Variants in DEPTOR observed in about 807,000 individuals in gnomAD.
DEPTOR encodes DEP domain containing MTOR interacting protein, also known as DEP domain-containing mTOR-interacting protein.
A neutral mutation model predicts 41.6 loss-of-function variants in DEPTOR; 41 were observed. That is an observed-to-expected ratio of 0.98 (90% CI 0.77 to 1.28). The LOEUF is 1.28. Among genes scored for constraint, DEPTOR ranks in the 50% most tolerant of loss-of-function variants. The pLI, the probability that DEPTOR is intolerant of heterozygous loss-of-function variation, is 0.00. For missense variants in DEPTOR, 514 were observed against 527.9 expected (o/e 0.97, Z 0.26); for synonymous variants, 195 against 192.3 (o/e 1.01, Z -0.12).
At chr8:119,920,174 G>T (rs550280095) in intron 1 of DEPTOR, among the ~76,000 whole-genome samples, 1 of 152,130 alleles carries the variant, frequency 6.6e-6, no homozygotes, top group Admixed American at 6.5e-5. Flanking sequence ...TCTTCCCAAT[G>T]GTTTAATGTG....
intron 1 of DEPTOR, among the ~76,000 whole-genome samples, chr8:119,880,007 T>C (rs1827278444): frequency 6.6e-6 from 1 of 151,696 alleles, no homozygotes; most frequent in Non-Finnish European, 1.5e-5. Flanking sequence ...CTGGGCACGG[T>C]GGCAGGCACC....
At chr8:119,994,006 A>G (rs1812215801) in intron 4 of DEPTOR, among the ~76,000 whole-genome samples, 1 of 151,956 alleles carries the variant, frequency 6.6e-6, no homozygotes, top group South Asian at 2.1e-4. Flanking sequence ...AAAATACAAA[A>G]TTAGTGGGGT....
chr8:119,979,455 G>T (rs1238268159), intron 4 of DEPTOR, among the ~76,000 whole-genome samples: 1 of 151,938 alleles, frequency 6.6e-6, no homozygotes, highest in Non-Finnish European at 1.5e-5. Context: ...TAGAGACAGG[G>T]TTTTGCAATG....
intron 4 of DEPTOR, among the ~76,000 whole-genome samples, chr8:119,990,512 A>G (rs944494566): frequency 6.6e-6 from 1 of 152,202 alleles, no homozygotes; most frequent in African/African-American, 2.4e-5. Flanking sequence ...TTGACTTTCC[A>G]TCTGTTTATT....
At chr8:119,910,943 G>C (rs10217077) in intron 1 of DEPTOR, among the ~76,000 whole-genome samples, 4 of 151,640 alleles carry the variant, frequency 2.6e-5, no homozygotes, top group Non-Finnish European at 5.9e-5. Context: ...TCCTAGAGGG[G>C]TGTGTGTGTG....
At chr8:119,989,658 G>A (rs1271699810) in intron 4 of DEPTOR, among the ~76,000 whole-genome samples, 1 of 152,236 alleles carries the variant, frequency 6.6e-6, no homozygotes, top group Non-Finnish European at 1.5e-5. Flanking sequence ...GTTTTGAGAA[G>A]TAAATGATAT....
chr8:119,982,254 C>G lies in DEPTOR; in HGVS notation c.604+16844C>G, dbSNP rs186997699. The stretch of plus-strand genomic sequence containing the variant: ...GGCCTAAGGACTGAACATAACATAA[C>G]TGAACATTCCCCTGTTCTGTTGCAG... On this transcript the variant is annotated intron_variant, in intron 4 of 8. Transcript: ENST00000286234. 7.1e-4 allele frequency among the ~76,000 whole-genome samples: 108 copies of G among 152,194 alleles called. 1 individual carries two copies. The highest frequency in any genetic ancestry group is 2.4e-3 in the African/African-American group (99 of 41,524).
chr8:119,978,362 A>G (rs1563580266), intron 4 of DEPTOR, among the ~76,000 whole-genome samples: 1 of 152,170 alleles, frequency 6.6e-6, no homozygotes, highest in South Asian at 2.1e-4. Context: ...CTAGAAGAGC[A>G]TATCAGGTTT....
At chr8:119,962,201 G>A (rs1171614346) in intron 3 of DEPTOR, among the ~76,000 whole-genome samples, 1 of 151,948 alleles carries the variant, frequency 6.6e-6, no homozygotes. Flanking sequence ...AGGTTGCAGT[G>A]AGCTGAGATT....
chr8:120,029,482 A>C (rs143652422), intron 8 of DEPTOR, among the ~76,000 whole-genome samples: 20 of 151,968 alleles, frequency 1.3e-4, no homozygotes, highest in Non-Finnish European at 2.5e-4. Context: ...TGCAACCTCT[A>C]TCTCCTTGGT....
intron 3 of DEPTOR, among the ~76,000 whole-genome samples, chr8:119,950,117 A>G (rs1828333624): frequency 6.6e-6 from 1 of 152,192 alleles, no homozygotes; most frequent in Non-Finnish European, 1.5e-5. Flanking sequence ...TCCCTGCACC[A>G]TCTGTCGAAA....
At chr8:119,980,669 C>T (rs941586167) in intron 4 of DEPTOR, among the ~76,000 whole-genome samples, 1 of 151,870 alleles carries the variant, frequency 6.6e-6, no homozygotes, top group African/African-American at 2.4e-5. Flanking sequence ...AGGCATGTGC[C>T]ACCACAGCCT....
rs911071332 is a variant in DEPTOR, at chr8:119,883,485, A to G, written c.122+9517A>G. ...GCGAGACTCGTCTTAAAAAAAAAAA[A>G]AAAAAAAAAAAGAAGGATATGCTTT... is the stretch of plus-strand genomic sequence containing the variant. On this transcript the variant is annotated intron_variant, in intron 1 of 8. Transcript: ENST00000286234. Among the ~76,000 whole-genome samples, 6 of 150,666 alleles carry G rather than the reference A, an allele frequency of 4.0e-5. No individual in the cohort carries two copies. In the South Asian group the frequency reaches 1.2e-3, roughly 31 times the overall value.
At chr8:119,956,758 G>A (rs1470601694) in intron 3 of DEPTOR, among the ~76,000 whole-genome samples, 2 of 89,998 alleles carry the variant, frequency 2.2e-5, no homozygotes, top group Non-Finnish European at 4.1e-5. Flanking sequence ...TTTTTTAGAT[G>A]AAGTCTCATT....
chr8:120,017,973 C>T (rs1162598955), intron 8 of DEPTOR, among the ~76,000 whole-genome samples: 1 of 152,088 alleles, frequency 6.6e-6, no homozygotes, highest in Non-Finnish European at 1.5e-5. Context: ...GAAACAGAAC[C>T]ATCTGAGTCA....
chr8:119,880,776 T>A (rs1376845330), intron 1 of DEPTOR, among the ~76,000 whole-genome samples: 1 of 152,242 alleles, frequency 6.6e-6, no homozygotes, highest in African/African-American at 2.4e-5. Context: ...GTAACCATTT[T>A]AATGGGAAGA....
intron 1 of DEPTOR, among the ~76,000 whole-genome samples, chr8:119,881,607 A>G (rs947866080): frequency 1.3e-5 from 2 of 152,114 alleles, no homozygotes; most frequent in Non-Finnish European, 2.9e-5. Context: ...GAGATAAGGA[A>G]TTTAGAGCAT....
chr8:119,991,088 TTTTC>T (rs1206272230), intron 4 of DEPTOR, among the ~76,000 whole-genome samples: 41 of 45,818 alleles, frequency 8.9e-4, no homozygotes, highest in East Asian at 4.6e-3. Context: ...CTTTCTTTCT[TTTTC>T]TTTCTTTCTT....
In DEPTOR at chr8:120,023,154, G is replaced by C. The variant is rs139064960; in HGVS notation, c.1101+14021G>C. 3.1e-3 allele frequency among the ~76,000 whole-genome samples: 476 copies of C among 152,284 alleles called. 16 individuals are homozygous for C. The highest frequency in any genetic ancestry group is 0.023 in the Admixed American group (358 of 15,272). On this transcript the variant is annotated intron_variant, in intron 8 of 8. Transcript: ENST00000286234. ...ACAAGGAAGATAGAGACAGTGAGCTGTTTGGCATCTTTTCTCATTAGGCCA... is the reference window on the plus strand; with the variant it reads ...ACAAGGAAGATAGAGACAGTGAGCTCTTTGGCATCTTTTCTCATTAGGCCA...
Sources: gnomAD v4.1 joint callset for allele counts (sites outside exome capture counted in the v4.1 genomes callset) on GRCh38, gnomAD v4.1.1 for gene constraint, MANE v1.5 for transcripts, NCBI Gene and HGNC (gene_info 2026-07-23, HGNC 2026-07-21) for gene names.